The following PCDHGC3 variants were observed in gnomAD, a reference collection of about 807,000 sequenced individuals.
PCDHGC3 encodes the protein protocadherin gamma-C3.
Under a neutral mutation model 59.2 loss-of-function variants are expected in PCDHGC3, and 26 were observed. The observed-to-expected ratio is 0.44, with a 90% confidence interval of 0.32 to 0.61. PCDHGC3 has a LOEUF of 0.61. Ranked by LOEUF, PCDHGC3 falls within the 20% of genes least tolerant of loss-of-function variation. The probability of loss-of-function intolerance (pLI) is 0.05; values close to 1 mark genes in which losing one functional copy is unlikely to be tolerated. For synonymous variants in PCDHGC3, 487 were observed against 519.7 expected, an observed-to-expected ratio of 0.94 and a Z score of 0.86; for missense variants, 1,080 against 1,221.8, an observed-to-expected ratio of 0.88 and a Z score of 1.73.
intron 2 of PCDHGC3, 36 bp from the exon 3 acceptor site, chr5:141,505,357 T>A (rs1026098450): frequency 6.2e-7 from 1 of 1,613,762 alleles, no homozygotes; most frequent in African/African-American, 1.3e-5. Context: ...TGTGCCGGCC[T>A]GGGAGTCTGT....
rs1386904017 is a variant in PCDHGC3 at position 141,476,642 on chromosome 5, CG to C, written c.527del (p.Arg176GlnfsTer37). On this transcript the variant is annotated frameshift_variant, in exon 1 of 4. Coordinates refer to ENST00000308177, the MANE Select transcript of PCDHGC3 (RefSeq NM_002588.4). LOFTEE classifies it high-confidence loss of function. The surrounding 1 kb of genome is among the most constrained non-coding windows in gnomAD (Gnocchi z 7.6). ...SNSLQTYELS[R>X]NEYFALRVQT... ...CTCTTTACAAACCTATGAGCTGAGC[CG>C]AAATGAATACTTTGCGCTTCGCGTG... The C allele has an allele frequency of 2.5e-6, 4 of 1,614,240 alleles. No homozygotes were observed.
chr5:141,494,925 G>T (rs936071950), intron 2 of PCDHGC3, 60 bp downstream of exon 2: 1 of 1,613,316 alleles, frequency 6.2e-7, no homozygotes. Flanking sequence ...GGGATGACGT[G>T]GGAGGAGATG....
In PCDHGC3 at chr5:141,485,849, G is replaced by A. The variant is rs777288674; in HGVS notation, c.2430+7303G>A. ...AGGGAACCCGCCGAGATCTGGCACC[G>A]CAGAGCTCCGGGTATCCGTGCTGGA... On this transcript the variant is annotated intron_variant, in intron 1 of 3. Transcript: ENST00000308177. The surrounding 1 kb of genome is among the most constrained non-coding windows in gnomAD (Gnocchi z 5.7). 3 of 1,614,130 alleles carry A rather than the reference G, an allele frequency of 1.9e-6. No individual in the cohort carries two copies. In the South Asian group the frequency reaches 3.3e-5, roughly 18 times the overall value.
chr5:141,505,341 A>T, intron 2 of PCDHGC3, 52 bp from the exon 3 acceptor site: 1 of 1,612,728 alleles, frequency 6.2e-7, no homozygotes, highest in Non-Finnish European at 8.5e-7. Flanking sequence ...CAGGAGGGGC[A>T]TGAGCTGTGC....
At chr5:141,498,679 C>G (rs1454800332) in intron 2 of PCDHGC3, among the ~76,000 whole-genome samples, 1 of 152,170 alleles carries the variant, frequency 6.6e-6, no homozygotes, top group Admixed American at 6.5e-5. Flanking sequence ...CGCCTGTAAT[C>G]CCAGCACTTT....
chr5:141,501,971 G>A (rs2099812098), intron 2 of PCDHGC3, among the ~76,000 whole-genome samples: 1 of 151,956 alleles, frequency 6.6e-6, no homozygotes. Context: ...CCTAACCTCT[G>A]GCATCTGGTC....
At chr5:141,507,239 G>C (rs2099859378) in intron 3 of PCDHGC3, 1 of 152,310 alleles carries the variant, frequency 6.6e-6, no homozygotes, top group Non-Finnish European at 1.5e-5. Context: ...CCCAGTTACA[G>C]TTGAATGTCA....
chr5:141,504,765 C>T lies in PCDHGC3; in HGVS notation c.2490-628C>T, dbSNP rs548234873. ...ATTGAATTTTAGAAATTTCTTCTCC[C>T]TGCTCCAGGGTCTCTTGGGGCCTCC... On this transcript the variant is annotated intron_variant, in intron 2 of 3. Transcript: ENST00000308177. Among the ~76,000 whole-genome samples, 4 of 152,156 alleles carry T rather than the reference C, an allele frequency of 2.6e-5. No homozygotes were observed. The South Asian group carries it at 8.3e-4, about 32-fold the overall frequency.
chr5:141,491,232 G>C lies in PCDHGC3; in HGVS notation c.2431-3575G>C. The C allele has an allele frequency of 6.2e-7, 1 of 1,614,220 alleles. No individual in the cohort carries two copies. Among genetic ancestry groups the C allele is most frequent in the Non-Finnish European group, 8.5e-7 (1 of 1,180,034 alleles). On this transcript the variant is annotated intron_variant, in intron 1 of 3. Coordinates refer to ENST00000308177, the MANE Select transcript of PCDHGC3 (RefSeq NM_002588.4). The surrounding 1 kb of genome is among the most constrained non-coding windows in gnomAD (Gnocchi z 6.9). ...TCTCCTCCACAGCCACAGTGCTGCT[G>C]GTTCTGGAGGATGAGGACCCTGAGG... is the stretch of plus-strand genomic sequence containing the variant.
rs372994272 is a variant in PCDHGC3, at chr5:141,485,358, G to C, written c.2430+6812G>C. On this transcript the variant is annotated intron_variant, in intron 1 of 3. Coordinates refer to ENST00000308177, the MANE Select transcript of PCDHGC3 (RefSeq NM_002588.4). This position sits in a 1 kb window ranked among gnomAD's most constrained non-coding sequence, Gnocchi z 5.7. ...CTGGATACGGACAGTCTGTCAGCTC[G>C]CAGGCTGCAGGTCGCTGGAGAGGTG... is the stretch of plus-strand genomic sequence containing the variant. 3.1e-6 allele frequency: 5 copies of C among 1,613,982 alleles called. No homozygotes were observed. Among genetic ancestry groups the C allele is most frequent in the Non-Finnish European group, 4.2e-6 (5 of 1,180,014 alleles).
At chr5:141,502,356 G>C (rs1443285213) in intron 2 of PCDHGC3, among the ~76,000 whole-genome samples, 4 of 151,838 alleles carry the variant, frequency 2.6e-5, no homozygotes. Flanking sequence ...TAATGACATG[G>C]ATATTTTTAA....
At position 141,487,670 on chromosome 5, in the gene PCDHGC3, T is replaced by C. The variant is rs2099658277; in HGVS notation, c.2431-7137T>C. 2 of 1,612,302 alleles carry C rather than the reference T, an allele frequency of 1.2e-6. No homozygotes were observed. Among genetic ancestry groups the C allele is most frequent in the Non-Finnish European group, 1.7e-6 (2 of 1,179,082 alleles). On this transcript the variant is annotated intron_variant, in intron 1 of 3. Transcript: ENST00000308177. The surrounding 1 kb of genome is among the most constrained non-coding windows in gnomAD (Gnocchi z 5.0). The stretch of plus-strand genomic sequence containing the variant: ...TGAGGGTTATTCTGATCCAGGCATA[T>C]GGCTAGGCCATGTCCTAGAGAGTAC...
rs1264130543 is a variant in PCDHGC3 at position 141,485,467 on chromosome 5, C to T, written c.2430+6921C>T. 2 of 1,614,112 alleles carry T rather than the reference C, an allele frequency of 1.2e-6. No homozygotes were observed. The highest frequency in any genetic ancestry group is 1.7e-6 in the Non-Finnish European group (2 of 1,180,024). On this transcript the variant is annotated intron_variant, in intron 1 of 3. Transcript: ENST00000308177. The surrounding 1 kb of genome is among the most constrained non-coding windows in gnomAD (Gnocchi z 5.7). ...TCGACCGAGAGGCACTGTGTGGGCT[C>T]AGTGCCAGCTGCATCGTGCCCCTGG... is the stretch of plus-strand genomic sequence containing the variant.
Position 141,491,763 on chromosome 5 carries a change from T to A in PCDHGC3, c.2431-3044T>A. 1 of 1,570,222 alleles carries A rather than the reference T, an allele frequency of 6.4e-7. No individual in the cohort carries two copies. The highest frequency in any genetic ancestry group is 8.6e-7 in the Non-Finnish European group (1 of 1,159,286). On this transcript the variant is annotated intron_variant, in intron 1 of 3. Transcript: ENST00000308177. This position sits in a 1 kb window ranked among gnomAD's most constrained non-coding sequence, Gnocchi z 6.9. ...GCGGCACTGGAGAAGCCGCCCGTCC[T>A]CATAAGGGATTGAACTTGCATCCAC... is the stretch of plus-strand genomic sequence containing the variant.
Position 141,477,665 on chromosome 5 carries a change from G to T in PCDHGC3, c.1549G>T (p.Gly517Cys), listed in dbSNP as rs753814499. ...CTATTTCACAATAAATCGTGACAAT[G>T]GCATAGTGTCATCCTTAGTGCCCCT... is the stretch of plus-strand genomic sequence containing the variant. ...GRYFTINRDN[G>C]IVSSLVPLDY... Residue 517 changes from glycine to cysteine, a missense_variant, in exon 1 of 4, where the codon GGC becomes TGC. Gly to Cys is a radical substitution (Grantham distance 159). Coordinates refer to ENST00000308177, the MANE Select transcript of PCDHGC3 (RefSeq NM_002588.4). The surrounding 1 kb of genome is among the most constrained non-coding windows in gnomAD (Gnocchi z 4.9). 6.2e-7 allele frequency: 1 copy of T among 1,614,182 alleles called. No individual in the cohort carries two copies. The highest frequency in any genetic ancestry group is 8.5e-7 in the Non-Finnish European group (1 of 1,180,038).
chr5:141,490,811 A>G lies in PCDHGC3; in HGVS notation c.2431-3996A>G, dbSNP rs750702067. The G allele has an allele frequency of 1.2e-6, 2 of 1,613,918 alleles. No homozygotes were observed. The highest frequency in any genetic ancestry group is 8.5e-7 in the Non-Finnish European group (1 of 1,179,884). On this transcript the variant is annotated intron_variant, in intron 1 of 3. Coordinates refer to ENST00000308177, the MANE Select transcript of PCDHGC3 (RefSeq NM_002588.4). This position sits in a 1 kb window ranked among gnomAD's most constrained non-coding sequence, Gnocchi z 5.4. ...ATCTTTGCCCAGCGTACCTTTGACTATGAATTGCTGCAGATGCTGCAGATT... is the reference window on the plus strand; with the variant it reads ...ATCTTTGCCCAGCGTACCTTTGACTGTGAATTGCTGCAGATGCTGCAGATT...
chr5:141,504,200 G>C (rs1232187138), intron 2 of PCDHGC3, among the ~76,000 whole-genome samples: 1 of 152,154 alleles, frequency 6.6e-6, no homozygotes, highest in Non-Finnish European at 1.5e-5. Context: ...TTGTCACTGT[G>C]GGAAAATTCC....
In PCDHGC3 at chr5:141,478,333, G is replaced by C; in HGVS notation, c.2217G>C (p.Gly739=). The C allele has an allele frequency of 3.1e-6, 5 of 1,613,928 alleles. No homozygotes were observed. The highest frequency in any genetic ancestry group is 4.2e-6 in the Non-Finnish European group (5 of 1,180,022). The change falls in exon 1 of 4, where the codon GGG becomes GGC. Residue 739 remains glycine (G), a synonymous_variant. Coordinates refer to ENST00000308177, the MANE Select transcript of PCDHGC3 (RefSeq NM_002588.4). ...APVSSLYRTP[G]PSLHADAVRG... ...TGAGCTCACTGTACCGAACACCAGGGCCCTCCTTGCACGCGGACGCCGTGC... is the reference window on the plus strand; with the variant it reads ...TGAGCTCACTGTACCGAACACCAGGCCCCTCCTTGCACGCGGACGCCGTGC...
At position 141,478,213 on chromosome 5, in the gene PCDHGC3, C is replaced by A. The variant is rs2099439229; in HGVS notation, c.2097C>A (p.Ile699=). 1 of 1,614,000 alleles carries A rather than the reference C, an allele frequency of 6.2e-7. No homozygotes were observed. Among genetic ancestry groups the A allele is most frequent in the Non-Finnish European group, 8.5e-7 (1 of 1,180,050 alleles). ...NLTFYLLLSL[I]LVSVGFVVTV... ...CCTTTTATCTACTTCTTTCTCTAAT[C>A]CTGGTTTCTGTGGGGTTTGTGGTCA... The change falls in exon 1 of 4, where the codon ATC becomes ATA. Residue 699 remains isoleucine, a synonymous_variant. Transcript: ENST00000308177.
Sources: allele counts gnomAD v4.1 joint callset (sites outside exome capture counted in the v4.1 genomes callset), GRCh38; gene constraint gnomAD v4.1.1; non-coding constraint Gnocchi (gnomAD v3.1); transcripts MANE v1.5; gene names NCBI Gene and HGNC (gene_info 2026-07-23, HGNC 2026-07-21).